The following C10orf90 variants were observed in gnomAD, a reference collection of about 807,000 sequenced individuals.
C10orf90 encodes the protein (E2-independent) E3 ubiquitin-conjugating enzyme FATS.
A neutral mutation model predicts 62.5 loss-of-function variants in C10orf90; 56 were observed. The observed-to-expected ratio is 0.90, with a 90% CI of 0.72 to 1.12. The LOEUF (loss-of-function observed/expected upper bound fraction) is 1.12. Ranked by LOEUF, C10orf90 falls within the 50% of genes most tolerant of loss-of-function variation. The pLI is 0.00. For synonymous variants in C10orf90, 386 were observed against 340.4 expected, an observed-to-expected ratio of 1.13 and a Z score of -1.47; for missense variants, 970 against 880.4, an observed-to-expected ratio of 1.10 and a Z score of -1.29.
rs1859309907 is a variant in C10orf90, at chr10:126,453,100, T to C, written c.2188+5940A>G. On this transcript the variant is annotated intron_variant, in intron 7 of 9. Transcript: ENST00000488181. This position sits in a 1 kb window ranked among gnomAD's most constrained non-coding sequence, Gnocchi z 4.9. ...TAATACTTGCTCCAACCAAGAATCA[T>C]CAGGGAAAGAAGATTTGTTGGAGAA... Among the ~76,000 whole-genome samples the C allele has an allele frequency of 1.3e-5, 2 of 152,196 alleles. No homozygotes were observed. The highest frequency in any genetic ancestry group is 4.1e-4 in the South Asian group (2 of 4,826).
chr10:126,429,549 G>A (rs1335380806), intron 8 of C10orf90, among the ~76,000 whole-genome samples: 1 of 152,226 alleles, frequency 6.6e-6, no homozygotes, highest in Non-Finnish European at 1.5e-5. Context: ...TTACTGGATT[G>A]GTTCAGAATC....
At chr10:126,603,147 C>T (rs748207702) in intron 2 of C10orf90, among the ~76,000 whole-genome samples, 2 of 151,444 alleles carry the variant, frequency 1.3e-5, no homozygotes, top group East Asian at 1.9e-4. Context: ...TGTATTAGTC[C>T]GTTCTCACGC....
intron 2 of C10orf90, among the ~76,000 whole-genome samples, chr10:126,643,086 A>G (rs987587515): frequency 7.2e-5 from 11 of 152,376 alleles, no homozygotes; most frequent in Admixed American, 6.5e-4. Flanking sequence ...TCTTCCTAGC[A>G]CTTGGATCAG....
rs1846410846 is a variant in C10orf90, at chr10:126,657,127, TCA to T, written c.241-10492_241-10491del. 3.3e-5 allele frequency among the ~76,000 whole-genome samples: 5 copies of T among 152,168 alleles called. No individual in the cohort carries two copies. In the South Asian group the frequency reaches 1.0e-3, roughly 32 times the overall value. ...GAAGTGCCATTCATTCAGTTTAATG[TCA>T]CTATTTTGAATGTTTTTTTTTAATT... On this transcript the variant is annotated intron_variant, in intron 1 of 9. Transcript: ENST00000488181.
chr10:126,579,325 C>T (rs1844696966), intron 2 of C10orf90, among the ~76,000 whole-genome samples: 2 of 149,930 alleles, frequency 1.3e-5, no homozygotes, highest in Admixed American at 1.3e-4. Context: ...ACCACAACTT[C>T]TGCCTCTTGG....
At chr10:126,662,588 C>A (rs1206370526) in intron 1 of C10orf90, among the ~76,000 whole-genome samples, 1 of 152,168 alleles carries the variant, frequency 6.6e-6, no homozygotes, top group African/African-American at 2.4e-5. Context: ...TTCCTGTGCC[C>A]CCGTTCAGAA....
chr10:126,542,227 G>A (rs375508340), intron 2 of C10orf90, among the ~76,000 whole-genome samples: 1 of 152,164 alleles, frequency 6.6e-6, no homozygotes, highest in East Asian at 1.9e-4. Context: ...ACTAGGCCAG[G>A]TGCAGTGGCT....
intron 1 of C10orf90, among the ~76,000 whole-genome samples, chr10:126,657,546 T>C (rs1564912486): frequency 6.6e-6 from 1 of 152,080 alleles, no homozygotes; most frequent in East Asian, 1.9e-4. Flanking sequence ...AATTGATCAA[T>C]TTTTTTTCCT....
intron 2 of C10orf90, among the ~76,000 whole-genome samples, chr10:126,592,304 C>T (rs1423215577): frequency 2.6e-5 from 4 of 151,996 alleles, no homozygotes; most frequent in African/African-American, 9.7e-5. Context: ...CTATATAAGG[C>T]TACAGTAACC....
intron 1 of C10orf90, among the ~76,000 whole-genome samples, chr10:126,667,248 CAG>C (rs1052034832): frequency 4.0e-5 from 6 of 151,508 alleles, no homozygotes; most frequent in African/African-American, 1.5e-4. Flanking sequence ...TTAGTAGACA[CAG>C]GGTTTCACTG....
intron 2 of C10orf90, among the ~76,000 whole-genome samples, chr10:126,638,833 C>G (rs1212651033): frequency 6.6e-6 from 1 of 152,186 alleles, no homozygotes; most frequent in African/African-American, 2.4e-5. Flanking sequence ...ACGGAGCCCT[C>G]CTCCCTGGAG....
chr10:126,609,262 G>A (rs753842438), intron 2 of C10orf90, among the ~76,000 whole-genome samples: 7 of 152,134 alleles, frequency 4.6e-5, no homozygotes, highest in Non-Finnish European at 8.8e-5. Context: ...AATTAGCCAG[G>A]CATGGTGGTG....
At chr10:126,550,086 G>A (rs1006534507) in intron 2 of C10orf90, among the ~76,000 whole-genome samples, 5 of 151,750 alleles carry the variant, frequency 3.3e-5, no homozygotes, top group Non-Finnish European at 7.4e-5. Context: ...CTCCTGAGTA[G>A]CTGGGATTAC....
chr10:126,549,932 A>G (rs1023941600), intron 2 of C10orf90, among the ~76,000 whole-genome samples: 3 of 151,160 alleles, frequency 2.0e-5, no homozygotes, highest in African/African-American at 4.9e-5. Flanking sequence ...TACATGCTAC[A>G]TGCTATACAA....
rs370146880 is a variant in C10orf90 at position 126,639,911 on chromosome 10, TG to T, written c.313+6653del. On this transcript the variant is annotated intron_variant, in intron 2 of 9. Transcript: ENST00000488181. ...TATTTGTGGGTGATTGCAGCAAAATTGGGGGTCAAGGCCCAGGGAGCCATGA... is the reference window on the plus strand; with the variant it reads ...TATTTGTGGGTGATTGCAGCAAAATTGGGGTCAAGGCCCAGGGAGCCATGA... Among the ~76,000 whole-genome samples the T allele has an allele frequency of 3.6e-3, 544 of 152,140 alleles. 4 individuals carry two copies. The highest frequency in any genetic ancestry group is 0.013 in the African/African-American group (532 of 41,508).
At chr10:126,494,636 C>T (rs945127923) in intron 4 of C10orf90, among the ~76,000 whole-genome samples, 5 of 152,226 alleles carry the variant, frequency 3.3e-5, no homozygotes, top group Admixed American at 1.3e-4. Context: ...TGCAAGAGAC[C>T]GCCATGATGC....
At chr10:126,591,450 T>C (rs1244688473) in intron 2 of C10orf90, among the ~76,000 whole-genome samples, 1 of 152,202 alleles carries the variant, frequency 6.6e-6, no homozygotes, top group African/African-American at 2.4e-5. Flanking sequence ...AAAAATCACA[T>C]GGCTAACTCA....
intron 2 of C10orf90, among the ~76,000 whole-genome samples, chr10:126,593,115 G>A (rs1425223421): frequency 1.3e-5 from 2 of 152,216 alleles, no homozygotes; most frequent in African/African-American, 4.8e-5. Context: ...AACCATTGTG[G>A]AAGACAATGT....
chr10:126,464,754 A>G lies in C10orf90; in HGVS notation c.1767T>C (p.Asp589=), dbSNP rs764410825. The G allele has an allele frequency of 4.3e-6, 7 of 1,614,000 alleles. No individual in the cohort carries two copies. Among genetic ancestry groups the G allele is most frequent in the Non-Finnish European group, 5.9e-6 (7 of 1,180,000 alleles). Residue 589 remains aspartate (D), a synonymous_variant, in exon 5 of 10, where the codon GAT becomes GAC. Transcript: ENST00000488181. ...LFPGFLCPLQ[D]VCASLQEDNG... ...TGTCTTCCTGCAGAGATGCACATAC[A>G]TCTTGTAAGGGGCAAAGAAACCCAG...
Sources: allele counts gnomAD v4.1 joint callset (sites outside exome capture counted in the v4.1 genomes callset), GRCh38; gene constraint gnomAD v4.1.1; non-coding constraint Gnocchi (gnomAD v3.1); transcripts MANE v1.5; gene names NCBI Gene and HGNC (gene_info 2026-07-23, HGNC 2026-07-21).